The following TENM3 variants were observed in gnomAD, a reference collection of about 807,000 sequenced individuals.
TENM3 encodes the protein teneurin-3.
TENM3 carries 63 observed loss-of-function variants against 255.1 expected under a neutral mutation model. That is an observed-to-expected ratio of 0.25 (90% CI 0.20 to 0.30). The LOEUF is 0.30. Among genes scored for constraint, TENM3 ranks in the 10% least tolerant of loss-of-function variants. TENM3 has a pLI of 1.00. For synonymous variants in TENM3, 1,306 were observed against 1,322.3 expected (o/e 0.99, Z 0.27); for missense variants, 2,929 against 3,461.1 (o/e 0.85, Z 3.86).
At chr4:182,660,399 T>G (rs977291501) in intron 6 of TENM3, among the ~76,000 whole-genome samples, 15 of 152,222 alleles carry the variant, frequency 9.9e-5, no homozygotes, top group Non-Finnish European at 1.9e-4. Flanking sequence ...TGGGTGCCTT[T>G]AAGCAAATTA....
the TENM3 span, among the ~76,000 whole-genome samples, chr4:181,757,305 A>T: frequency 1.3e-5 from 2 of 152,162 alleles, no homozygotes; most frequent in Non-Finnish European, 2.9e-5. Context: ...ATCTCATGGG[A>T]ATTCTCCCAC....
chr4:182,425,183 G>A (rs1771113096), intron 3 of TENM3, among the ~76,000 whole-genome samples: 1 of 152,144 alleles, frequency 6.6e-6, no homozygotes, highest in South Asian at 2.1e-4. Flanking sequence ...AATGGCTTCA[G>A]AAGATAAGCA....
intron 1 of TENM3, among the ~76,000 whole-genome samples, chr4:182,198,029 T>C (rs1753939247): frequency 6.6e-6 from 1 of 152,096 alleles, no homozygotes; most frequent in Non-Finnish European, 1.5e-5. Context: ...CGCTTGAACC[T>C]GGGAGGCGGA....
At chr4:182,736,701 C>CA in intron 16 of TENM3, 107 bp from the exon 17 acceptor site, 1 of 1,079,342 alleles carries the variant, frequency 9.3e-7, no homozygotes, top group South Asian at 1.7e-5. Context: ...AACTAAGACA[C>CA]AGAGAGTCAC....
the TENM3 span, among the ~76,000 whole-genome samples, chr4:181,949,671 G>A: frequency 3.9e-5 from 6 of 152,032 alleles, no homozygotes; most frequent in South Asian, 6.2e-4. Flanking sequence ...CATTCTCTAC[G>A]TATCCCCTTC....
At chr4:181,813,171 C>G in the TENM3 span, among the ~76,000 whole-genome samples, 1 of 152,180 alleles carries the variant, frequency 6.6e-6, no homozygotes, top group Non-Finnish European at 1.5e-5. Flanking sequence ...TGTCACCTCA[C>G]ACAATGGAAA....
intron 3 of TENM3, among the ~76,000 whole-genome samples, chr4:182,542,554 T>A (rs1740989853): frequency 1.3e-5 from 2 of 152,142 alleles, no homozygotes; most frequent in Admixed American, 6.5e-5. Flanking sequence ...TGTTATAGTT[T>A]CCCTATACTG....
chr4:181,715,055 G>T, the TENM3 span, among the ~76,000 whole-genome samples: 1 of 152,118 alleles, frequency 6.6e-6, no homozygotes, highest in African/African-American at 2.4e-5. Flanking sequence ...AGAACTGAGG[G>T]TTACCAATAT....
At chr4:181,695,389 TC>T in the TENM3 span, among the ~76,000 whole-genome samples, 1 of 152,142 alleles carries the variant, frequency 6.6e-6, no homozygotes, top group Non-Finnish European at 1.5e-5. Flanking sequence ...TCATGAGTAA[TC>T]CCCAAATCAA....
the TENM3 span, among the ~76,000 whole-genome samples, chr4:181,613,871 C>A: frequency 1.3e-5 from 2 of 152,180 alleles, no homozygotes; most frequent in Admixed American, 1.3e-4. Context: ...AAAAGCCACA[C>A]ACGTGACCTG....
intron 1 of TENM3, among the ~76,000 whole-genome samples, chr4:182,256,558 T>C (rs2150139711): frequency 6.6e-6 from 1 of 152,304 alleles, no homozygotes; most frequent in Middle Eastern, 3.4e-3. Flanking sequence ...GTGTATATAG[T>C]CCGTGAAGAA....
the TENM3 span, among the ~76,000 whole-genome samples, chr4:181,733,762 G>A: frequency 2.6e-5 from 4 of 152,134 alleles, no homozygotes; most frequent in South Asian, 2.1e-4. Flanking sequence ...CCCGGAAGAG[G>A]GACGCAGTTG....
At chr4:182,271,004 TGC>T (rs1759582808) in intron 1 of TENM3, among the ~76,000 whole-genome samples, 1 of 152,206 alleles carries the variant, frequency 6.6e-6, no homozygotes, top group South Asian at 2.1e-4. Flanking sequence ...TGCATTCTGT[TGC>T]TTTATTTTGG....
the TENM3 span, among the ~76,000 whole-genome samples, chr4:181,961,478 T>C: frequency 6.6e-6 from 1 of 152,228 alleles, no homozygotes; most frequent in South Asian, 2.1e-4. Context: ...TGGAGCGTAG[T>C]GTGCGATCTC....
At chr4:182,111,189 C>CTTTTTTTTTTTT in the TENM3 span, among the ~76,000 whole-genome samples, 16 of 80,528 alleles carry the variant, frequency 2.0e-4, no homozygotes, top group Non-Finnish European at 2.7e-4. Context: ...GTCTTCTTCT[C>CTTTTTTTTTTTT]TTTTTTTTTT....
the TENM3 span, among the ~76,000 whole-genome samples, chr4:181,479,307 C>T: frequency 6.6e-5 from 10 of 152,196 alleles, no homozygotes; most frequent in African/African-American, 2.4e-4. Flanking sequence ...GACAACTAAG[C>T]ATTCTCTTGT....
chr4:182,573,243 C>T (rs10017717), intron 3 of TENM3, among the ~76,000 whole-genome samples: 37,628 of 151,970 alleles, frequency 0.25, 6,010 homozygotes, highest in African/African-American at 0.45. Context: ...CGAATAATAA[C>T]GCTTTCTGGA....
chr4:182,675,884 T>G (rs1028101246), intron 7 of TENM3, among the ~76,000 whole-genome samples: 4 of 152,234 alleles, frequency 2.6e-5, no homozygotes, highest in Non-Finnish European at 5.9e-5. Context: ...TTTCTCATAA[T>G]CCTTCTAGTA....
At chr4:182,411,896 C>G (rs1462465220) in intron 3 of TENM3, among the ~76,000 whole-genome samples, 1 of 152,126 alleles carries the variant, frequency 6.6e-6, no homozygotes, top group Non-Finnish European at 1.5e-5. Context: ...AAACATTAAT[C>G]AAAAGCAACT....
Sources: allele counts gnomAD v4.1 joint callset (sites outside exome capture counted in the v4.1 genomes callset), GRCh38; gene constraint gnomAD v4.1.1; transcripts MANE v1.5; gene names NCBI Gene and HGNC (gene_info 2026-07-23, HGNC 2026-07-21).